Variants in RSU1 observed in about 807,000 individuals in gnomAD.
RSU1 encodes the protein Ras suppressor protein 1.
In RSU1, 26 loss-of-function variants were observed where a neutral mutation model predicts 31.1. The ratio of observed to expected loss-of-function variants is 0.84; its 90% confidence interval spans 0.61 to 1.16. The LOEUF (loss-of-function observed/expected upper bound fraction) is 1.16. RSU1 is among the 50% of genes most tolerant of loss of function. The pLI is 0.00. For synonymous variants in RSU1, 164 were observed against 136.3 expected (o/e 1.20, Z -1.41); for missense variants, 320 against 339.1 (o/e 0.94, Z 0.44).
intron 8 of RSU1, among the ~76,000 whole-genome samples, chr10:16,633,204 C>A (rs73601046): frequency 6.6e-6 from 1 of 152,056 alleles, no homozygotes; most frequent in African/African-American, 2.4e-5. Flanking sequence ...GTGTCCCCAG[C>A]GGGAGTGGGG....
At chr10:16,737,201 C>G (rs12098817) in intron 7 of RSU1, among the ~76,000 whole-genome samples, 27,789 of 151,704 alleles carry the variant, frequency 0.18, 2,656 homozygotes, top group Admixed American at 0.2. Flanking sequence ...TACTAACCTA[C>G]CAACCAATCA....
intron 8 of RSU1, among the ~76,000 whole-genome samples, chr10:16,633,875 C>T (rs974444713): frequency 2.6e-5 from 4 of 152,160 alleles, no homozygotes; most frequent in Non-Finnish European, 4.4e-5. Context: ...GAAGGGTGAC[C>T]GAGACCGATT....
Position 16,592,996 on chromosome 10 carries a change from A to T in RSU1, c.*398T>A, listed in dbSNP as rs1833535630. On this transcript the variant is annotated 3_prime_UTR_variant, in exon 9 of 9. Coordinates refer to ENST00000345264, the MANE Select transcript of RSU1 (RefSeq NM_012425.4). ...GAAGGAAGACTTTTAATAAAGCAAAATAATGAGTTAGGTGAATCAACAGAA... is the reference window on the plus strand; with the variant it reads ...GAAGGAAGACTTTTAATAAAGCAAATTAATGAGTTAGGTGAATCAACAGAA... 1 of 156,642 alleles carries T rather than the reference A, an allele frequency of 6.4e-6. No homozygotes were observed. Among genetic ancestry groups the T allele is most frequent in the African/African-American group, 2.4e-5 (1 of 41,548 alleles). 9.7% of individuals were successfully genotyped at this position (156,642 alleles called of 1,614,324 possible). A position where few individuals can be genotyped will look rare whatever the true frequency, so the allele number is the denominator to read the frequency against.
intron 7 of RSU1, among the ~76,000 whole-genome samples, chr10:16,721,130 G>A (rs1188802751): frequency 2.0e-5 from 3 of 152,162 alleles, no homozygotes; most frequent in Non-Finnish European, 4.4e-5. Context: ...AGGTGCTCTT[G>A]GTCTAGTGGT....
At chr10:16,649,655 G>T (rs1434897595) in intron 8 of RSU1, among the ~76,000 whole-genome samples, 2 of 151,950 alleles carry the variant, frequency 1.3e-5, no homozygotes, top group Non-Finnish European at 2.9e-5. Context: ...TTTTCTAGGG[G>T]GCACACGGCA....
At chr10:16,790,674 C>A (rs771506465) in intron 2 of RSU1, among the ~76,000 whole-genome samples, 1 of 152,060 alleles carries the variant, frequency 6.6e-6, no homozygotes, top group South Asian at 2.1e-4. Flanking sequence ...GAATTGTAAT[C>A]GTTTGTGTTG....
chr10:16,729,485 G>C (rs1414733884), intron 7 of RSU1, among the ~76,000 whole-genome samples: 2 of 152,114 alleles, frequency 1.3e-5, no homozygotes, highest in African/African-American at 2.4e-5. Context: ...GGAACTGAAG[G>C]CTAGATAGTC....
chr10:16,686,532 A>G (rs1344291854), intron 8 of RSU1, among the ~76,000 whole-genome samples: 1 of 152,176 alleles, frequency 6.6e-6, no homozygotes, highest in Admixed American at 6.5e-5. Flanking sequence ...TTTTTGGAGT[A>G]TGGATGGAGT....
chr10:16,644,199 C>T (rs1834495397), intron 8 of RSU1, among the ~76,000 whole-genome samples: 1 of 152,112 alleles, frequency 6.6e-6, no homozygotes, highest in African/African-American at 2.4e-5. Context: ...CTGTCAATAA[C>T]TATAAGCTGA....
intron 7 of RSU1, among the ~76,000 whole-genome samples, chr10:16,750,863 CT>C (rs11296913): frequency 0.17 from 23,809 of 139,630 alleles, 2,449 homozygotes; most frequent in African/African-American, 0.32. Context: ...CAAGATCTCT[CT>C]TTTTTTTTTT....
At chr10:16,708,348 G>T (rs1052925036) in intron 7 of RSU1, among the ~76,000 whole-genome samples, 1 of 152,078 alleles carries the variant, frequency 6.6e-6, no homozygotes, top group African/African-American at 2.4e-5. Context: ...GTATTATAAA[G>T]GTCTTCATCC....
chr10:16,813,079 C>T (rs571083771), intron 2 of RSU1, among the ~76,000 whole-genome samples: 25 of 151,862 alleles, frequency 1.6e-4, no homozygotes, highest in African/African-American at 4.1e-4. Flanking sequence ...TCCAGCAATC[C>T]TCCCACCGCA....
At chr10:16,801,097 T>A (rs200852727) in intron 2 of RSU1, among the ~76,000 whole-genome samples, 28,194 of 147,060 alleles carry the variant, frequency 0.19, 2,653 homozygotes, top group African/African-American at 0.22. Context: ...ATCTTTTTTT[T>A]AAAAAAAAAA....
At chr10:16,714,083 C>T (rs970197080) in intron 7 of RSU1, among the ~76,000 whole-genome samples, 4 of 152,008 alleles carry the variant, frequency 2.6e-5, no homozygotes, top group East Asian at 1.9e-4. Context: ...GTGTGGAGGG[C>T]GAAAAGGCTC....
intron 8 of RSU1, among the ~76,000 whole-genome samples, chr10:16,651,221 G>A (rs1392448006): frequency 6.6e-6 from 1 of 152,130 alleles, no homozygotes; most frequent in Non-Finnish European, 1.5e-5. Context: ...ATACAGGATT[G>A]AATCAATGAT....
In RSU1 at chr10:16,804,517, ATG is replaced by A. The variant is rs1410055555; in HGVS notation, c.109+12454_109+12455del. Among the ~76,000 whole-genome samples the A allele has an allele frequency of 2.2e-4, 34 of 152,254 alleles. 1 individual carries two copies. Among genetic ancestry groups the A allele is most frequent in the Admixed American group, 2.0e-3 (31 of 15,284 alleles). ...TGTCTATACAAAAATCTGCACAACA[ATG>A]TTTACACCAGCTTTATTCATAATTG... On this transcript the variant is annotated intron_variant, in intron 2 of 8. Coordinates refer to ENST00000345264, the MANE Select transcript of RSU1 (RefSeq NM_012425.4).
intron 8 of RSU1, among the ~76,000 whole-genome samples, chr10:16,636,905 A>T (rs976555691): frequency 1.3e-5 from 2 of 152,164 alleles, no homozygotes; most frequent in South Asian, 2.1e-4. Flanking sequence ...ATACACAGCC[A>T]TCTGTTCACT....
At chr10:16,647,824 A>C (rs1405070751) in intron 8 of RSU1, among the ~76,000 whole-genome samples, 5 of 152,134 alleles carry the variant, frequency 3.3e-5, no homozygotes, top group Non-Finnish European at 7.3e-5. Flanking sequence ...ATGGGATGTG[A>C]ATTTTATCTC....
At chr10:16,640,740 C>T (rs554039270) in intron 8 of RSU1, among the ~76,000 whole-genome samples, 3 of 152,384 alleles carry the variant, frequency 2.0e-5, no homozygotes, top group South Asian at 4.1e-4. Flanking sequence ...TTAGCTCCTG[C>T]CCCTCTTCAG....
Sources: gnomAD v4.1 joint callset for allele counts (sites outside exome capture counted in the v4.1 genomes callset) on GRCh38, gnomAD v4.1.1 for gene constraint, MANE v1.5 for transcripts, NCBI Gene and HGNC (gene_info 2026-07-23, HGNC 2026-07-21) for gene names.